WWOX: variants seen among roughly 807,000 people sequenced by gnomAD.
WWOX encodes the protein WW domain-containing oxidoreductase.
Under a neutral mutation model 46.2 loss-of-function variants are expected in WWOX, and 69 were observed. The observed-to-expected ratio is 1.49, with a 90% CI of 1.23 to 1.82. The LOEUF (loss-of-function observed/expected upper bound fraction) is 1.82. Ranked by LOEUF, WWOX falls within the 40% of genes most tolerant of loss-of-function variation. WWOX has a pLI of 0.00. For synonymous variants in WWOX, 359 were observed against 202.6 expected (o/e 1.77, Z -6.56); for missense variants, 919 against 542.6 (o/e 1.69, Z -6.89).
At chr16:78,155,721 T>C (rs974018842) in intron 4 of WWOX, among the ~76,000 whole-genome samples, 14 of 152,266 alleles carry the variant, frequency 9.2e-5, no homozygotes, top group African/African-American at 3.4e-4. Flanking sequence ...TTATTAAATT[T>C]AGTAAACCAT....
intron 8 of WWOX, among the ~76,000 whole-genome samples, chr16:78,728,097 CTG>C: frequency 8.5e-6 from 1 of 117,896 alleles, no homozygotes; most frequent in South Asian, 3.1e-4. Context: ...AAGGGTCTCA[CTG>C]TGTCACCCAA....
chr16:78,940,783 A>T (rs903234211), intron 8 of WWOX, among the ~76,000 whole-genome samples: 2 of 137,924 alleles, frequency 1.5e-5, no homozygotes, highest in Non-Finnish European at 3.1e-5. Flanking sequence ...TTGTTATCTT[A>T]TTGTCCTCTT....
chr16:78,871,356 C>T (rs923685126), intron 8 of WWOX, among the ~76,000 whole-genome samples: 4 of 152,072 alleles, frequency 2.6e-5, no homozygotes, highest in East Asian at 3.9e-4. Context: ...ACTTGAGCCT[C>T]GATGCCTGGA....
chr16:78,221,194 T>C (rs1327176451), intron 5 of WWOX, among the ~76,000 whole-genome samples: 1 of 152,174 alleles, frequency 6.6e-6, no homozygotes, highest in African/African-American at 2.4e-5. Context: ...ATGTCCTCTG[T>C]ATTAATTCAC....
At chr16:78,166,548 TTTTTTC>T (rs2034980331) in intron 5 of WWOX, among the ~76,000 whole-genome samples, 1 of 151,568 alleles carries the variant, frequency 6.6e-6, no homozygotes, top group Admixed American at 6.6e-5. Context: ...CTTTTTTCTT[TTTTTTC>T]TTTTTCTTTT....
rs1060502729 is a variant in WWOX, at chr16:79,211,713, G to C, written c.1162G>C (p.Ala388Pro). The part of the protein sequence containing the change: ...NCCRCMPSPE[A>P]QSEETARTLW... ...CTGCCGCTGCATGCCCTCACCAGAA[G>C]CTCAGAGCGAAGAGACGGCCCGGAC... The change falls in exon 9 of 9, where the codon GCT becomes CCT. Residue 388 changes from alanine to proline, a missense_variant. Ala to Pro is a conservative substitution (Grantham distance 27, BLOSUM62 -1). Transcript: ENST00000566780. The C allele has an allele frequency of 6.2e-7, 1 of 1,614,224 alleles. No homozygotes were observed. The highest frequency in any genetic ancestry group is 8.5e-7 in the Non-Finnish European group (1 of 1,180,046).
At chr16:78,636,529 A>C (rs1471112572) in intron 8 of WWOX, among the ~76,000 whole-genome samples, 2 of 152,168 alleles carry the variant, frequency 1.3e-5, no homozygotes, top group African/African-American at 4.8e-5. Context: ...TAGAAAATAG[A>C]GTAGCTGCCC....
chr16:78,181,586 G>C (rs2035534210), intron 5 of WWOX, among the ~76,000 whole-genome samples: 1 of 152,242 alleles, frequency 6.6e-6, no homozygotes, highest in African/African-American at 2.4e-5. Context: ...TACGCTGGGA[G>C]AGGAGGAATT....
chr16:79,104,457 C>G (rs543457876), intron 8 of WWOX, among the ~76,000 whole-genome samples: 24 of 152,250 alleles, frequency 1.6e-4, no homozygotes, highest in African/African-American at 5.8e-4. Flanking sequence ...ATCCGTCTAT[C>G]ATATTTGTAA....
chr16:78,300,866 C>G (rs1436653815), intron 5 of WWOX, among the ~76,000 whole-genome samples: 1 of 152,154 alleles, frequency 6.6e-6, no homozygotes, highest in African/African-American at 2.4e-5. Context: ...CATATGTTCA[C>G]CACCTAGACT....
At position 78,583,364 on chromosome 16, in the gene WWOX, G is replaced by A. The variant is rs527254083; in HGVS notation, c.1056+150612G>A. Among the ~76,000 whole-genome samples, 4 of 152,284 alleles carry A rather than the reference G, an allele frequency of 2.6e-5. No homozygotes were observed. In the South Asian group the frequency reaches 8.3e-4, roughly 32 times the overall value. On this transcript the variant is annotated intron_variant, in intron 8 of 8. Transcript: ENST00000566780. ...CTGACAGTACTCAGATTTGCTTCAT[G>A]TACCCATTCTAGAACCTTACCTACT...
At chr16:78,765,373 C>A (rs938909188) in intron 8 of WWOX, among the ~76,000 whole-genome samples, 1 of 152,182 alleles carries the variant, frequency 6.6e-6, no homozygotes, top group Non-Finnish European at 1.5e-5. Context: ...GTGAGAGGCC[C>A]TGAAATTTCC....
intron 8 of WWOX, among the ~76,000 whole-genome samples, chr16:78,581,619 A>G (rs578227504): frequency 3.3e-5 from 5 of 152,302 alleles, no homozygotes; most frequent in Admixed American, 6.5e-5. Flanking sequence ...ACATGGAATC[A>G]AAGTCTCTTT....
chr16:78,742,412 T>G (rs1460559634), intron 8 of WWOX, among the ~76,000 whole-genome samples: 1 of 152,144 alleles, frequency 6.6e-6, no homozygotes, highest in Admixed American at 6.5e-5. Flanking sequence ...CTTCTGTGTC[T>G]TCATGTGCAA....
intron 8 of WWOX, among the ~76,000 whole-genome samples, chr16:79,211,358 C>G (rs1409679898): frequency 6.6e-6 from 1 of 152,152 alleles, no homozygotes; most frequent in Non-Finnish European, 1.5e-5. Context: ...TTTTCCAAGC[C>G]TGTCCCTGTA....
At chr16:78,946,427 T>C (rs894442352) in intron 8 of WWOX, among the ~76,000 whole-genome samples, 1 of 152,036 alleles carries the variant, frequency 6.6e-6, no homozygotes, top group Non-Finnish European at 1.5e-5. Flanking sequence ...CTGACCTGAG[T>C]TGATCTGCTC....
intron 8 of WWOX, among the ~76,000 whole-genome samples, chr16:78,435,225 G>A (rs866132206): frequency 6.6e-6 from 1 of 152,132 alleles, no homozygotes; most frequent in Non-Finnish European, 1.5e-5. Context: ...TGAATTGGAC[G>A]AAGGTTGCAA....
intron 8 of WWOX, among the ~76,000 whole-genome samples, chr16:78,819,554 G>C (rs1191534573): frequency 6.6e-6 from 1 of 152,154 alleles, no homozygotes; most frequent in African/African-American, 2.4e-5. Context: ...GAACTGCCTC[G>C]GAATTGCCAC....
At chr16:78,244,676 CCCCAGGCCTTATCAGGG>C (rs1476457676) in intron 5 of WWOX, among the ~76,000 whole-genome samples, 9 of 152,212 alleles carry the variant, frequency 5.9e-5, no homozygotes, top group African/African-American at 2.2e-4. Context: ...CTCTGGGCCT[CCCCAGGCCTTATCAGGG>C]CTTAGCCTTC....
Sources: gnomAD v4.1 joint callset for allele counts (sites outside exome capture counted in the v4.1 genomes callset) on GRCh38, gnomAD v4.1.1 for gene constraint, MANE v1.5 for transcripts, NCBI Gene and HGNC (gene_info 2026-07-23, HGNC 2026-07-21) for gene names.